The following ANKRD31 variants were observed in gnomAD, a reference collection of about 807,000 sequenced individuals.
The protein encoded by ANKRD31 is ankyrin repeat domain-containing protein 31.
A neutral mutation model predicts 186.0 loss-of-function variants in ANKRD31; 147 were observed. That is an observed-to-expected ratio of 0.79 (90% CI 0.69 to 0.91). ANKRD31 has a LOEUF of 0.91. ANKRD31 is among the 40% of genes least tolerant of loss of function. The pLI, the probability that ANKRD31 is intolerant of heterozygous loss-of-function variation, is 0.00. For synonymous variants in ANKRD31, 673 were observed against 736.4 expected (o/e 0.91, Z 1.39); for missense variants, 1,986 against 2,148.8 (o/e 0.92, Z 1.50).
At chr5:75,159,669 T>TA (rs56742059) in intron 11 of ANKRD31, among the ~76,000 whole-genome samples, 143,779 of 146,412 alleles carry the variant, frequency 0.98, 70,595 homozygotes, top group African/African-American at 0.99. Flanking sequence ...CATTCACAGA[T>TA]AAAAAAAAAA....
Position 75,236,687 on chromosome 5 carries a change from C to T in ANKRD31, c.-1G>A. On this transcript the variant is annotated 5_prime_UTR_variant, in exon 1 of 26. Coordinates refer to ENST00000506364, the MANE Select transcript of ANKRD31 (RefSeq NM_001372053.1). ...CTGGGGCCTGGACGCCTTCCTCCATCTTTGCCTCACATTCAAAGTCTTTTT... is the reference window on the plus strand; with the variant it reads ...CTGGGGCCTGGACGCCTTCCTCCATTTTTGCCTCACATTCAAAGTCTTTTT... The T allele has an allele frequency of 6.5e-7, 1 of 1,536,106 alleles. No individual in the cohort carries two copies. Among genetic ancestry groups the T allele is most frequent in the Non-Finnish European group, 8.7e-7 (1 of 1,146,196 alleles).
At position 75,195,789 on chromosome 5, in the gene ANKRD31, C is replaced by T. The variant is rs1200307043; in HGVS notation, c.859G>A (p.Ala287Thr). 3 of 1,537,344 alleles carry T rather than the reference C, an allele frequency of 2.0e-6. No individual in the cohort carries two copies. Among genetic ancestry groups the T allele is most frequent in the Non-Finnish European group, 2.6e-6 (3 of 1,146,916 alleles). ...LEDAKDDALP[A>T]ELLEALNTLS... Reference sequence around the variant, plus strand: ...GTGTTCAGGGCTTCCAATAACTCAGCTGGCAATGCATCATCTTTTGCATCT... The same window carrying T: ...GTGTTCAGGGCTTCCAATAACTCAGTTGGCAATGCATCATCTTTTGCATCT... Residue 287 changes from alanine (A) to threonine (T), a missense_variant, in exon 7 of 26, where the codon GCT becomes ACT. By Grantham distance (58) the Ala-to-Thr change is moderately conservative. Transcript: ENST00000506364.
At chr5:75,235,461 G>GA (rs1443540582) in intron 1 of ANKRD31, among the ~76,000 whole-genome samples, 1 of 152,082 alleles carries the variant, frequency 6.6e-6, no homozygotes, top group East Asian at 1.9e-4. Context: ...CCCATTTATT[G>GA]ACGAGTTTCA....
At chr5:75,140,765 G>A (rs1750993911) in intron 15 of ANKRD31, among the ~76,000 whole-genome samples, 1 of 152,178 alleles carries the variant, frequency 6.6e-6, no homozygotes, top group Non-Finnish European at 1.5e-5. Context: ...ATGGCCACCA[G>A]CCAATCACCA....
chr5:75,183,848 T>C (rs955892761), intron 10 of ANKRD31, among the ~76,000 whole-genome samples: 1 of 152,064 alleles, frequency 6.6e-6, no homozygotes, highest in Admixed American at 6.6e-5. Flanking sequence ...ATATGATCTA[T>C]AGATTCAATG....
intron 10 of ANKRD31, 52 bp downstream of exon 10, chr5:75,188,441 C>T: frequency 6.8e-7 from 1 of 1,478,028 alleles, no homozygotes; most frequent in Non-Finnish European, 9.0e-7. Context: ...AGTGATTCAG[C>T]TGAAACTACA....
In ANKRD31 at chr5:75,112,546, A is replaced by G. The variant is rs777254551; in HGVS notation, c.4210T>C (p.Leu1404=). ...TCAGGGTTTCTTATTTCAAACTCTA[A>G]TAAATATTCTTGTTTTTCTTCTATA... is the stretch of plus-strand genomic sequence containing the variant. ...QDIEEKQEYL[L]EFEIRNPEDA... The change falls in exon 20 of 26, where the codon TTA becomes CTA. Residue 1404 remains leucine, a synonymous_variant. Coordinates refer to ENST00000506364, the MANE Select transcript of ANKRD31 (RefSeq NM_001372053.1). The G allele has an allele frequency of 6.6e-7, 1 of 1,523,460 alleles. No individual in the cohort carries two copies. The allele number at this position is 1,523,460 out of a possible 1,614,324, so 94.4% of individuals were successfully genotyped here.
chr5:75,123,394 C>T lies in ANKRD31; in HGVS notation c.3877-5097G>A, dbSNP rs542574458. ...ACAATATACAGATTCAATGCAATTC[C>T]TATCAAAATGCCAACATCGCTTTTC... On this transcript the variant is annotated intron_variant, in intron 17 of 25. Transcript: ENST00000506364. Among the ~76,000 whole-genome samples, 112 of 151,932 alleles carry T rather than the reference C, an allele frequency of 7.4e-4. 1 individual carries two copies. In the South Asian group the frequency reaches 8.1e-3, roughly 11 times the overall value.
intron 1 of ANKRD31, among the ~76,000 whole-genome samples, chr5:75,231,264 A>G (rs974259354): frequency 3.3e-5 from 5 of 150,722 alleles, no homozygotes; most frequent in African/African-American, 1.2e-4. Context: ...TTTTTTTTAG[A>G]GCCAGGGTCT....
rs1199373551 is a variant in ANKRD31, at chr5:75,196,100, T to C, written c.548A>G (p.Glu183Gly). The C allele has an allele frequency of 6.5e-7, 1 of 1,536,850 alleles. No homozygotes were observed. Among genetic ancestry groups the C allele is most frequent in the East Asian group, 2.4e-5 (1 of 40,890 alleles). The change falls in exon 7 of 26, where the codon GAG (glutamate) becomes GGG (glycine). Residue 183 changes from glutamate to glycine, a missense_variant. Transcript: ENST00000506364. ...TVAVKETSLVEPEKILAAPNT... is the reference protein window; with the variant it reads ...TVAVKETSLVGPEKILAAPNT... ...TGGTGCTGCTAAAATCTTCTCTGGC[T>C]CTACTAATGATGTCTCCTTTACAGC...
chr5:75,091,399 C>T lies in ANKRD31; in HGVS notation c.5334G>A (p.Glu1778=). Residue 1778 remains glutamate (E), a splice_region_variant and synonymous_variant, in exon 23 of 26, where the codon GAG becomes GAA. Transcript: ENST00000506364. ...GNNILEFKTQ[E]TTHKASILLN... ...ATAAAATACTGGCTTTGTGGGTAGT[C>T]TCCTGAAGTGAAAAATAAAACAGAA... is the stretch of plus-strand genomic sequence containing the variant. The T allele has an allele frequency of 6.6e-7, 1 of 1,518,118 alleles. No homozygotes were observed. The highest frequency in any genetic ancestry group is 8.8e-7 in the Non-Finnish European group (1 of 1,141,352). 94.0% of individuals were successfully genotyped at this position (1,518,118 alleles called of 1,614,324 possible).
chr5:75,199,270 C>G (rs927727705), intron 6 of ANKRD31, among the ~76,000 whole-genome samples: 1 of 152,116 alleles, frequency 6.6e-6, no homozygotes, highest in African/African-American at 2.4e-5. Flanking sequence ...GTAAGCAGAG[C>G]CAGTCCTATA....
intron 10 of ANKRD31, among the ~76,000 whole-genome samples, chr5:75,181,895 A>T (rs1754334272): frequency 2.3e-5 from 1 of 42,720 alleles, no homozygotes; most frequent in Non-Finnish European, 3.6e-5. Flanking sequence ...TAGTAATGAT[A>T]AAAAAAAAGA....
chr5:75,161,671 C>T (rs1580456993), intron 11 of ANKRD31, among the ~76,000 whole-genome samples: 1 of 152,164 alleles, frequency 6.6e-6, no homozygotes, highest in South Asian at 2.1e-4. Flanking sequence ...CCATCACAGG[C>T]CCAGAGGTCT....
At chr5:75,069,565 A>T (rs1418060389) in intron 25 of ANKRD31, among the ~76,000 whole-genome samples, 1 of 151,160 alleles carries the variant, frequency 6.6e-6, no homozygotes, top group Non-Finnish European at 1.5e-5. Context: ...TTTTTTTTTG[A>T]GATGGAGTCT....
intron 11 of ANKRD31, among the ~76,000 whole-genome samples, chr5:75,167,240 A>G (rs1416726237): frequency 1.3e-5 from 2 of 152,222 alleles, no homozygotes; most frequent in African/African-American, 4.8e-5. Flanking sequence ...TCTCTCCCAT[A>G]AAACAATTAA....
At chr5:75,138,092 ATATC>A in intron 16 of ANKRD31, 94 bp from the exon 17 acceptor site, 3 of 1,127,596 alleles carry the variant, frequency 2.7e-6, no homozygotes, top group Non-Finnish European at 3.5e-6. Context: ...CATTAATGCA[ATATC>A]CATATTGATT....
chr5:75,159,104 C>T (rs146118777), intron 11 of ANKRD31, among the ~76,000 whole-genome samples: 49 of 151,906 alleles, frequency 3.2e-4, no homozygotes, highest in African/African-American at 1.1e-3. Context: ...TCACCAGAGG[C>T]CTCAACAGGA....
In ANKRD31 at chr5:75,079,567, C is replaced by T. The variant is rs570745568; in HGVS notation, c.5647+1001G>A. ...TCAGCTTACTGCAACCTCCGCCTCT[C>T]GGATTCAAGCAATTCTCCTGCCTCA... is the stretch of plus-strand genomic sequence containing the variant. On this transcript the variant is annotated intron_variant, in intron 25 of 25. Coordinates refer to ENST00000506364, the MANE Select transcript of ANKRD31 (RefSeq NM_001372053.1). 7.2e-5 allele frequency among the ~76,000 whole-genome samples: 11 copies of T among 152,024 alleles called. No homozygotes were observed. The South Asian group carries it at 1.9e-3, about 26-fold the overall frequency.
Sources: gnomAD v4.1 joint callset for allele counts (sites outside exome capture counted in the v4.1 genomes callset) on GRCh38, gnomAD v4.1.1 for gene constraint, MANE v1.5 for transcripts, NCBI Gene and HGNC (gene_info 2026-07-23, HGNC 2026-07-21) for gene names.